Variants in KIFC3 observed in about 807,000 individuals in gnomAD.
KIFC3 encodes the protein kinesin family member C3.
KIFC3 carries 60 observed loss-of-function variants against 101.8 expected under a neutral mutation model. The ratio of observed to expected loss-of-function variants is 0.59; its 90% CI spans 0.48 to 0.73. The LOEUF is 0.73. KIFC3 is among the 30% of genes least tolerant of loss of function. The pLI is 0.00. For missense variants in KIFC3, 966 were observed against 1,137.1 expected, an observed-to-expected ratio of 0.85 and a Z score of 2.16; for synonymous variants, 476 against 482.7, an observed-to-expected ratio of 0.99 and a Z score of 0.18.
intron 3 of KIFC3, among the ~76,000 whole-genome samples, chr16:57,781,643 T>C (rs1490999825): frequency 6.6e-6 from 1 of 152,260 alleles, no homozygotes; most frequent in Non-Finnish European, 1.5e-5. Context: ...AGAAGACTCC[T>C]GAGCTCCCAC....
At position 57,760,389 on chromosome 16, in the gene KIFC3, C is replaced by T. The variant is rs768650568; in HGVS notation, c.2260G>A (p.Glu754Lys). 6.2e-7 allele frequency: 1 copy of T among 1,613,906 alleles called. No homozygotes were observed. Among genetic ancestry groups the T allele is most frequent in the Non-Finnish European group, 8.5e-7 (1 of 1,179,984 alleles). Residue 754 changes from glutamate to lysine, a missense_variant, in exon 17 of 20, where the codon GAG (glutamate) becomes AAG (lysine). Glu to Lys is a moderately conservative substitution (Grantham distance 56, BLOSUM62 1). Coordinates refer to ENST00000445690, the MANE Select transcript of KIFC3 (RefSeq NM_001130100.2). ...QVSPVEKNTS[E>K]TLYSLKFAER... The stretch of plus-strand genomic sequence containing the variant: ...GCAAACTTGAGGGAATAGAGCGTCT[C>T]GCTAGTGTTCTTCTCCACGGGGGAC...
At chr16:57,766,316 C>G (rs1413024783) in intron 10 of KIFC3, among the ~76,000 whole-genome samples, 1 of 152,234 alleles carries the variant, frequency 6.6e-6, no homozygotes, top group Non-Finnish European at 1.5e-5. Flanking sequence ...CTGGGAAGCC[C>G]CTCAACACAC....
rs11862383 is a variant in KIFC3 at position 57,765,546 on chromosome 16, G to T, written c.1425C>A (p.Asp475Glu). The change falls in exon 11 of 20, where the codon GAC becomes GAA. Residue 475 changes from aspartate to glutamate, a missense_variant. By Grantham distance (45) the Asp-to-Glu change is conservative. Transcript: ENST00000445690. The stretch of plus-strand genomic sequence containing the variant: ...TGTGCAGCAGGTGGATGATGGAGTC[G>T]TCGTCGGCATCGAAAGTCACAGCAT... ...ATNAVTFDAD[D>E]DSIIHLLHKG... 13 of 1,601,910 alleles carry T rather than the reference G, an allele frequency of 8.1e-6. No homozygotes were observed. The highest frequency in any genetic ancestry group is 1.1e-5 in the Non-Finnish European group (13 of 1,173,802).
chr16:57,790,076 T>A, intron 3 of KIFC3, among the ~76,000 whole-genome samples: 1 of 35,766 alleles, frequency 2.8e-5, no homozygotes, highest in East Asian at 2.8e-4. Flanking sequence ...CTTTCTTTCT[T>A]TCTTTTTTTT....
intron 3 of KIFC3, chr16:57,785,603 A>G (rs1555617319): frequency 1.6e-6 from 2 of 1,281,594 alleles, no homozygotes; most frequent in Non-Finnish European, 2.0e-6. Flanking sequence ...CCTAAGCACC[A>G]TGGGGGCCGC....
chr16:57,855,876 G>A (rs993264198), intron 1 of KIFC3, among the ~76,000 whole-genome samples: 2 of 151,486 alleles, frequency 1.3e-5, no homozygotes, highest in Admixed American at 1.3e-4. Context: ...AACCTGGGAG[G>A]CAGAGGTTGT....
intron 1 of KIFC3, among the ~76,000 whole-genome samples, chr16:57,818,286 G>A (rs1555629277): frequency 6.6e-6 from 1 of 152,116 alleles, no homozygotes; most frequent in East Asian, 1.9e-4. Context: ...ACCTTGAGGG[G>A]CTTGGGAAAC....
chr16:57,774,861 T>C, intron 3 of KIFC3: 5 of 1,362,976 alleles, frequency 3.7e-6, no homozygotes, highest in Non-Finnish European at 4.7e-6. Context: ...ACGTAATTCC[T>C]ACTCTCCCTA....
In KIFC3 at chr16:57,859,904, C is replaced by T. The variant is rs539433979; in HGVS notation, c.108+2825G>A. On this transcript the variant is annotated intron_variant, in intron 1 of 2. Transcript: ENST00000563028. The stretch of plus-strand genomic sequence containing the variant: ...AGGTGTGGTGGCGCATGCCTGTAGT[C>T]CCAGCTATTCAGGAGGCTGAGGAGG... 5.4e-4 allele frequency among the ~76,000 whole-genome samples: 82 copies of T among 151,536 alleles called. 2 individuals are homozygous for T. The South Asian group carries it at 0.017, about 31-fold the overall frequency.
At chr16:57,830,603 A>G (rs998340464) in intron 1 of KIFC3, 1 of 152,064 alleles carries the variant, frequency 6.6e-6, no homozygotes, top group Non-Finnish European at 1.5e-5. Flanking sequence ...TCTTCTCTGT[A>G]TCGTTCCAAT....
intron 1 of KIFC3, among the ~76,000 whole-genome samples, chr16:57,809,576 A>T (rs1283280730): frequency 3.9e-5 from 6 of 152,186 alleles, no homozygotes; most frequent in African/African-American, 7.2e-5. Context: ...TTTTATAAAC[A>T]GCATTGCTGT....
Position 57,785,567 on chromosome 16 carries a change from T to C in KIFC3, c.315+9432A>G, listed in dbSNP as rs117391586. 3.9e-3 allele frequency: 4,991 copies of C among 1,288,032 alleles called. 92 individuals carry two copies. Among genetic ancestry groups the C allele is most frequent in the East Asian group, 0.029 (517 of 17,904 alleles). The allele number at this position is 1,288,032 out of a possible 1,614,324, so 79.8% of individuals were successfully genotyped here. ...CTCCTGTAGCTGGGTCTTCTCGTCCTGGAGCTGGGACATGGCCTCCACCAT... is the reference window on the plus strand; with the variant it reads ...CTCCTGTAGCTGGGTCTTCTCGTCCCGGAGCTGGGACATGGCCTCCACCAT... On this transcript the variant is annotated intron_variant, in intron 3 of 19. Transcript: ENST00000445690.
At chr16:57,790,279 G>C (rs1353166534) in intron 3 of KIFC3, among the ~76,000 whole-genome samples, 2 of 146,160 alleles carry the variant, frequency 1.4e-5, no homozygotes, top group African/African-American at 5.1e-5. Context: ...ATGGGGTTTT[G>C]CCATGTTTCC....
At chr16:57,840,022 T>A (rs1193400024) in intron 1 of KIFC3, among the ~76,000 whole-genome samples, 1 of 152,140 alleles carries the variant, frequency 6.6e-6, no homozygotes, top group Non-Finnish European at 1.5e-5. Context: ...TCTCAGTAAA[T>A]GGCCACAGTT....
chr16:57,774,972 G>T, intron 3 of KIFC3: 4 of 1,532,506 alleles, frequency 2.6e-6, no homozygotes, highest in Non-Finnish European at 3.5e-6. Flanking sequence ...GGGGCTGGGC[G>T]CACTAACCTT....
chr16:57,857,325 A>C (rs959030094), intron 1 of KIFC3, among the ~76,000 whole-genome samples: 5 of 151,472 alleles, frequency 3.3e-5, no homozygotes, highest in African/African-American at 4.9e-5. Flanking sequence ...CCCTGACTTC[A>C]GCTTGGCCTC....
At chr16:57,781,968 G>C (rs567068525) in intron 3 of KIFC3, 8 of 985,388 alleles carry the variant, frequency 8.1e-6, no homozygotes, top group Non-Finnish European at 9.6e-6. Context: ...GAAAGCAGCC[G>C]ATCAGAAGCC....
intron 1 of KIFC3, among the ~76,000 whole-genome samples, chr16:57,856,670 G>A (rs1422104194): frequency 6.6e-6 from 1 of 151,984 alleles, no homozygotes; most frequent in Non-Finnish European, 1.5e-5. Flanking sequence ...GAAAAAGAGG[G>A]AAGACAGAAA....
At chr16:57,858,844 G>A (rs1272637590) in intron 1 of KIFC3, among the ~76,000 whole-genome samples, 2 of 152,088 alleles carry the variant, frequency 1.3e-5, no homozygotes, top group African/African-American at 2.4e-5. Context: ...CAGCTACTCC[G>A]GAGGCTGAGG....
Sources: gnomAD v4.1 joint callset for allele counts (sites outside exome capture counted in the v4.1 genomes callset) on GRCh38, gnomAD v4.1.1 for gene constraint, MANE v1.5 for transcripts, NCBI Gene and HGNC (gene_info 2026-07-23, HGNC 2026-07-21) for gene names.